HRG: variants seen among roughly 807,000 people sequenced by gnomAD.
The protein encoded by HRG is histidine-rich glycoprotein.
Under a neutral mutation model 29.5 loss-of-function variants are expected in HRG, and 26 were observed. The ratio of observed to expected loss-of-function variants is 0.88; its 90% CI spans 0.65 to 1.22. HRG has a LOEUF of 1.22. HRG is among the 50% of genes most tolerant of loss of function. The pLI is 0.00. For synonymous variants in HRG, 243 were observed against 240.4 expected (o/e 1.01, Z -0.10); for missense variants, 671 against 654.5 (o/e 1.03, Z -0.28).
intron 1 of HRG, 122 bp downstream of exon 1, chr3:186,666,336 T>G: frequency 3.2e-6 from 3 of 947,344 alleles, no homozygotes; most frequent in Non-Finnish European, 5.0e-6. Flanking sequence ...TTTGTTTGGC[T>G]TCTGCGGCTG....
intron 5 of HRG, chr3:186,673,819 T>C (rs1440217884): frequency 6.6e-6 from 1 of 152,166 alleles, no homozygotes; most frequent in Non-Finnish European, 1.5e-5. Flanking sequence ...TAGATTCCCA[T>C]GTACCTGCCA....
Position 186,672,779 on chromosome 3 carries a change from T to A in HRG, c.559-8T>A. On this transcript the variant is annotated splice_region_variant and splice_polypyrimidine_tract_variant and intron_variant, in intron 4 of 6. Transcript: ENST00000232003. ...TTCTTGAAACTATTTTGATCCCATC[T>A]GTTCTAGAGAGGAGGGGAAGGAACT... 6.3e-7 allele frequency: 1 copy of A among 1,586,292 alleles called. No individual in the cohort carries two copies. Among genetic ancestry groups the A allele is most frequent in the Non-Finnish European group, 8.7e-7 (1 of 1,154,696 alleles).
In HRG at chr3:186,677,625, G is replaced by A; in HGVS notation, c.1320G>A (p.Arg440=). Residue 440 remains arginine, a synonymous_variant, in exon 7 of 7, where the codon AGG becomes AGA. Transcript: ENST00000232003. Reference sequence around the variant, plus strand: ...GCCCACCACCTGGGCACTTAAGAAGGCGAGGCCCAGGTAAAGGACCCCGTC... The same window carrying A: ...GCCCACCACCTGGGCACTTAAGAAGACGAGGCCCAGGTAAAGGACCCCGTC... ...GHGPPPGHLR[R]RGPGKGPRPF... 6.2e-7 allele frequency: 1 copy of A among 1,614,108 alleles called. No individual in the cohort carries two copies. The highest frequency in any genetic ancestry group is 8.5e-7 in the Non-Finnish European group (1 of 1,180,004).
chr3:186,671,570 C>A (rs1718791709), intron 3 of HRG, 53 bp from the exon 4 acceptor site: 1 of 1,561,586 alleles, frequency 6.4e-7, no homozygotes, highest in Non-Finnish European at 8.8e-7. Context: ...GCCACCAAGC[C>A]ACCATTAACA....
rs1719014691 is a variant in HRG at position 186,677,053 on chromosome 3, G to A, written c.748G>A (p.Glu250Lys). The change falls in exon 7 of 7, where the codon GAG (glutamate) becomes AAG (lysine). Residue 250 changes from glutamate (E) to lysine (K), a missense_variant. Glu to Lys is a moderately conservative substitution (Grantham distance 56). Coordinates refer to ENST00000232003, the MANE Select transcript of HRG (RefSeq NM_000412.5). Reference protein sequence around the residue: ...NCEVFDPQEHENINGVPPHLG... With the variant: ...NCEVFDPQEHKNINGVPPHLG... ...TTTCTGTGACCTTTTCCAGGAACAT[G>A]AGAACATCAATGGTGTACCGCCTCA... 6.2e-7 allele frequency: 1 copy of A among 1,613,920 alleles called. No homozygotes were observed. The highest frequency in any genetic ancestry group is 8.5e-7 in the Non-Finnish European group (1 of 1,179,952).
intron 1 of HRG, 48 bp from the exon 2 acceptor site, chr3:186,668,887 C>T (rs372615230): frequency 1.2e-4 from 124 of 1,007,952 alleles, no homozygotes; most frequent in African/African-American, 9.3e-4. Context: ...AAAAAAAACC[C>T]GCTAGGTTTC....
rs145399945 is a variant in HRG at position 186,667,514 on chromosome 3, A to G, written c.183+1300A>G. On this transcript the variant is annotated intron_variant, in intron 1 of 6. Coordinates refer to ENST00000232003, the MANE Select transcript of HRG (RefSeq NM_000412.5). The stretch of plus-strand genomic sequence containing the variant: ...CAAAAGTACCATACTTTGAGATACC[A>G]TGTTCTGAGCCCCAACAATAGCCAA... 3.3e-5 allele frequency among the ~76,000 whole-genome samples: 5 copies of G among 152,112 alleles called. No individual in the cohort carries two copies. The East Asian group carries it at 5.8e-4, about 18-fold the overall frequency.
At chr3:186,672,930 G>T in intron 5 of HRG, 63 bp downstream of exon 5, 1 of 938,730 alleles carries the variant, frequency 1.1e-6, no homozygotes, top group East Asian at 2.4e-5. Flanking sequence ...AAGAGAAGAA[G>T]GAGAAGGAGA....
intron 5 of HRG, chr3:186,674,254 C>A (rs564851330): frequency 6.6e-6 from 1 of 152,352 alleles, no homozygotes; most frequent in African/African-American, 2.4e-5. Flanking sequence ...ATAATGTAAA[C>A]CCAGAGTTGA....
chr3:186,669,729 G>A, intron 2 of HRG: 1 of 602,338 alleles, frequency 1.7e-6, no homozygotes, highest in Non-Finnish European at 3.0e-6. Context: ...TTTCTCGCTG[G>A]TTCTCCTGAG....
At chr3:186,676,671 G>C (rs986692775) in intron 6 of HRG, among the ~76,000 whole-genome samples, 2 of 151,962 alleles carry the variant, frequency 1.3e-5, no homozygotes, top group East Asian at 3.9e-4. Context: ...AAATTAGGTG[G>C]GCATGGTGGC....
chr3:186,677,819 C>A lies in HRG; in HGVS notation c.1514C>A (p.Pro505Gln). Residue 505 changes from proline to glutamine, a missense_variant, in exon 7 of 7, where the codon CCA becomes CAA. Pro to Gln is a moderately conservative substitution (Grantham distance 76). Coordinates refer to ENST00000232003, the MANE Select transcript of HRG (RefSeq NM_000412.5). ...PFPQSVSESC[P>Q]GKFKSGFPQV... ...CCTCAATCAGTCTCTGAATCATGTC[C>A]AGGGAAGTTCAAGAGTGGGTTTCCA... 1 of 1,614,120 alleles carries A rather than the reference C, an allele frequency of 6.2e-7. No individual in the cohort carries two copies.
intron 5 of HRG, 27 bp from the exon 6 acceptor site, chr3:186,675,062 C>A: frequency 6.8e-7 from 1 of 1,472,928 alleles, no homozygotes; most frequent in Non-Finnish European, 9.5e-7. Flanking sequence ...TGGACACACA[C>A]ACTAACAGCT....
chr3:186,677,078 A>T lies in HRG; in HGVS notation c.773A>T (p.His258Leu). The stretch of plus-strand genomic sequence containing the variant: ...GAGAACATCAATGGTGTACCGCCTC[A>T]TTTGGGACATCCCTTCCACTGGGGT... ...EHENINGVPP[H>L]LGHPFHWGGH... Residue 258 changes from histidine (H) to leucine (L), a missense_variant, in exon 7 of 7, where the codon CAT becomes CTT. Physicochemically the swap from His to Leu is moderately conservative, Grantham distance 99. Transcript: ENST00000232003. 1 of 1,613,992 alleles carries T rather than the reference A, an allele frequency of 6.2e-7. No individual in the cohort carries two copies. The highest frequency in any genetic ancestry group is 8.5e-7 in the Non-Finnish European group (1 of 1,179,940).
At chr3:186,670,112 T>G in intron 3 of HRG, 84 bp downstream of exon 3, 1 of 786,078 alleles carries the variant, frequency 1.3e-6, no homozygotes, top group East Asian at 2.5e-5. Context: ...TCTATGTACA[T>G]ATGTATTCAT....
chr3:186,675,497 A>G (rs79773833), intron 6 of HRG, among the ~76,000 whole-genome samples: 2,474 of 152,286 alleles, frequency 0.016, 65 homozygotes, highest in African/African-American at 0.057. Flanking sequence ...AAGAGGGGTA[A>G]CAATTGGCAG....
intron 1 of HRG, 42 bp downstream of exon 1, chr3:186,666,256 C>CA (rs778577241): frequency 6.3e-7 from 1 of 1,597,972 alleles, no homozygotes; most frequent in Non-Finnish European, 8.6e-7. Context: ...GGAGATTACT[C>CA]ACGGGGGCAA....
intron 5 of HRG, chr3:186,674,728 C>G (rs1328616914): frequency 2.9e-6 from 1 of 346,674 alleles, no homozygotes; most frequent in Non-Finnish European, 5.6e-6. Context: ...CCCTCTTTGA[C>G]ACCATTCCTC....
At position 186,677,830 on chromosome 3, in the gene HRG, A is replaced by C. The variant is rs1160908889; in HGVS notation, c.1525A>C (p.Lys509Gln). 1 of 1,614,174 alleles carries C rather than the reference A, an allele frequency of 6.2e-7. No individual in the cohort carries two copies. The highest frequency in any genetic ancestry group is 1.3e-5 in the African/African-American group (1 of 75,054). The change falls in exon 7 of 7, where the codon AAG becomes CAG. Residue 509 changes from lysine to glutamine, a missense_variant. Physicochemically the swap from Lys to Gln is moderately conservative, Grantham distance 53 (BLOSUM62 1). Coordinates refer to ENST00000232003, the MANE Select transcript of HRG (RefSeq NM_000412.5). ...CTCTGAATCATGTCCAGGGAAGTTC[A>C]AGAGTGGGTTTCCACAAGTTTCCAT... ...SVSESCPGKF[K>Q]SGFPQVSMFF...
Sources: gnomAD v4.1 joint callset for allele counts (sites outside exome capture counted in the v4.1 genomes callset) on GRCh38, gnomAD v4.1.1 for gene constraint, MANE v1.5 for transcripts, NCBI Gene and HGNC (gene_info 2026-07-23, HGNC 2026-07-21) for gene names.